Variants in ISCA1 observed in about 807,000 individuals in gnomAD.
ISCA1 encodes the protein iron-sulfur cluster assembly 1 homolog, mitochondrial.
ISCA1 carries 9 observed loss-of-function variants against 14.7 expected under a neutral mutation model. That is an observed-to-expected ratio of 0.61 (90% CI 0.37 to 1.07). ISCA1 has a LOEUF of 1.07. Ranked by LOEUF, ISCA1 falls within the 50% of genes least tolerant of loss-of-function variation. The pLI is 0.01. For synonymous variants in ISCA1, 38 were observed against 54.3 expected, an observed-to-expected ratio of 0.70 and a Z score of 1.32; for missense variants, 102 against 150.1, an observed-to-expected ratio of 0.68 and a Z score of 1.67.
In ISCA1 at chr9:86,274,681, C is replaced by CT. The variant is rs371654872; in HGVS notation, c.82-440dup. 4.8e-4 allele frequency among the ~76,000 whole-genome samples: 72 copies of CT among 149,796 alleles called. 1 individual carries two copies. The South Asian group carries it at 9.1e-3, about 19-fold the overall frequency. ...TTCCTGTTGATTATTAATCCTACTG[C>CT]TTTTTTTTTTCTTACTCACAATCCA... On this transcript the variant is annotated intron_variant, in intron 1 of 3. Transcript: ENST00000375991.
chr9:86,274,725 G>C (rs905704409), intron 1 of ISCA1, among the ~76,000 whole-genome samples: 12 of 151,688 alleles, frequency 7.9e-5, no homozygotes, highest in African/African-American at 2.7e-4. Flanking sequence ...CCATCAAAAT[G>C]CATAGCTTGA....
At chr9:86,277,306 C>T (rs1214620394) in intron 1 of ISCA1, among the ~76,000 whole-genome samples, 3 of 152,184 alleles carry the variant, frequency 2.0e-5, no homozygotes, top group African/African-American at 7.2e-5. Flanking sequence ...TAAAATATGT[C>T]TTAATTTTCC....
intron 2 of ISCA1, 107 bp downstream of exon 2, chr9:86,274,082 T>A: frequency 1.6e-6 from 1 of 642,524 alleles, no homozygotes; most frequent in Admixed American, 3.1e-5. Flanking sequence ...ATATTTTACA[T>A]TTTAAATAAA....
At chr9:86,269,013 C>T (rs909592254) in intron 3 of ISCA1, among the ~76,000 whole-genome samples, 8 of 152,056 alleles carry the variant, frequency 5.3e-5, no homozygotes, top group Non-Finnish European at 1.0e-4. Flanking sequence ...CCAGGCTGGT[C>T]GTGAACTCCT....
intron 1 of ISCA1, among the ~76,000 whole-genome samples, chr9:86,281,509 G>A (rs555274862): frequency 6.6e-6 from 1 of 152,328 alleles, no homozygotes; most frequent in South Asian, 2.1e-4. Flanking sequence ...TGGGGTGAAA[G>A]TATTTTGGAA....
intron 1 of ISCA1, chr9:86,281,916 C>G (rs1825521444): frequency 6.4e-6 from 1 of 156,900 alleles, no homozygotes; most frequent in African/African-American, 2.4e-5. Context: ...CGAACGCTGT[C>G]GCCCCGACAC....
rs1193528017 is a variant in ISCA1 at position 86,282,521 on chromosome 9, G to A, written c.-63C>T. 1 of 1,549,520 alleles carries A rather than the reference G, an allele frequency of 6.5e-7. No homozygotes were observed. On this transcript the variant is annotated 5_prime_UTR_variant, in exon 1 of 4. Coordinates refer to ENST00000375991, the MANE Select transcript of ISCA1 (RefSeq NM_030940.4). ...GTCGGCCGCCTCAGCTTCTCTCCAT[G>A]GACACGGCGGGCGCATTGACGCCAC...
chr9:86,266,119 T>C lies in ISCA1; in HGVS notation c.314A>G (p.Lys105Arg), dbSNP rs200362832. The C allele has an allele frequency of 1.5e-5, 25 of 1,613,192 alleles. No individual in the cohort carries two copies. Among genetic ancestry groups the C allele is most frequent in the Non-Finnish European group, 1.7e-5 (20 of 1,179,708 alleles). The part of the protein sequence containing the change: ...LGTEMDYVED[K>R]LSSEFVFNNP... ...ATTGAACACAAACTCACTGGATAAT[T>C]TGTCTTCAACATAGTCCATTTCTGT... is the stretch of plus-strand genomic sequence containing the variant. The change falls in exon 4 of 4, where the codon AAA (lysine) becomes AGA (arginine). Residue 105 changes from lysine (K) to arginine (R), a missense_variant. By Grantham distance (26) the Lys-to-Arg change is conservative (BLOSUM62 2). Transcript: ENST00000375991.
chr9:86,277,072 T>G (rs142191664), intron 1 of ISCA1, among the ~76,000 whole-genome samples: 113 of 152,216 alleles, frequency 7.4e-4, no homozygotes, highest in African/African-American at 2.7e-3. Flanking sequence ...TATCTCCAAG[T>G]GGTTTTCTAA....
intron 3 of ISCA1, among the ~76,000 whole-genome samples, chr9:86,268,333 A>G (rs969853682): frequency 2.0e-5 from 3 of 151,842 alleles, no homozygotes; most frequent in Non-Finnish European, 4.4e-5. Context: ...TTTAATTAAA[A>G]TGTTTATAAA....
rs1452263008 is a variant in ISCA1, at chr9:86,272,063, T to C, written c.185A>G (p.Tyr62Cys). The stretch of plus-strand genomic sequence containing the variant: ...TTTTGTCTTTGTATATTCTAGAGTA[T>C]AAGAAAGGCCATTACAGCCCCTGGT... ...VRTRGCNGLS[Y>C]TLEYTKTKGD... The change falls in exon 3 of 4, where the codon TAT becomes TGT. Residue 62 changes from tyrosine (Y) to cysteine (C), a missense_variant. Tyr to Cys is a radical substitution (Grantham distance 194). Transcript: ENST00000375991. 19 of 1,607,982 alleles carry C rather than the reference T, an allele frequency of 1.2e-5. No homozygotes were observed. The highest frequency in any genetic ancestry group is 1.5e-5 in the Non-Finnish European group (18 of 1,174,868).
In ISCA1 at chr9:86,282,026, C is replaced by T. The variant is rs1357877848; in HGVS notation, c.81+352G>A. On this transcript the variant is annotated intron_variant, in intron 1 of 3. Coordinates refer to ENST00000375991, the MANE Select transcript of ISCA1 (RefSeq NM_030940.4). ...ACCCCCGCCACCGGGCACGTTCAGC[C>T]TCTGCTTAACCGGAACGGCCGAACA... 1.2e-5 allele frequency: 3 copies of T among 248,616 alleles called. No individual in the cohort carries two copies. In the East Asian group the frequency reaches 2.5e-4, roughly 21 times the overall value. 15.4% of individuals were successfully genotyped at this position (248,616 alleles called of 1,614,324 possible).
chr9:86,267,394 T>G (rs886553063), intron 3 of ISCA1: 31 of 892,086 alleles, frequency 3.5e-5, no homozygotes, highest in Non-Finnish European at 4.0e-5. Context: ...TAAAAGGTCT[T>G]TATTGATAGT....
At chr9:86,270,458 G>C (rs1243420053) in intron 3 of ISCA1, among the ~76,000 whole-genome samples, 1 of 150,238 alleles carries the variant, frequency 6.7e-6, no homozygotes, top group East Asian at 2.0e-4. Context: ...TGCTGGAGAG[G>C]ATGTGGAGAA....
chr9:86,277,592 T>C (rs1213463896), intron 1 of ISCA1, among the ~76,000 whole-genome samples: 1 of 152,170 alleles, frequency 6.6e-6, no homozygotes, highest in African/African-American at 2.4e-5. Flanking sequence ...TAGGTAAAAT[T>C]CATGTGAGAA....
rs1825536413 is a variant in ISCA1 at position 86,282,518 on chromosome 9, C to T, written c.-60G>A. On this transcript the variant is annotated 5_prime_UTR_variant, in exon 1 of 4. It removes an upstream start codon present in the reference 5' UTR. Transcript: ENST00000375991. Reference sequence around the variant, plus strand: ...AAGGTCGGCCGCCTCAGCTTCTCTCCATGGACACGGCGGGCGCATTGACGC... The same window carrying T: ...AAGGTCGGCCGCCTCAGCTTCTCTCTATGGACACGGCGGGCGCATTGACGC... The T allele has an allele frequency of 6.5e-7, 1 of 1,549,662 alleles. No homozygotes were observed. Among genetic ancestry groups the T allele is most frequent in the Non-Finnish European group, 8.7e-7 (1 of 1,146,578 alleles).
At chr9:86,270,369 A>T (rs1349889617) in intron 3 of ISCA1, among the ~76,000 whole-genome samples, 1 of 151,726 alleles carries the variant, frequency 6.6e-6, no homozygotes, top group East Asian at 1.9e-4. Flanking sequence ...CCATCAGAGA[A>T]ATGCAAATCA....
intron 3 of ISCA1, among the ~76,000 whole-genome samples, chr9:86,269,928 T>C (rs1564008844): frequency 6.6e-6 from 1 of 152,178 alleles, no homozygotes; most frequent in African/African-American, 2.4e-5. Context: ...TTACACCTTA[T>C]ACCAAAATTA....
At chr9:86,272,235 G>T in intron 2 of ISCA1, 123 bp from the exon 3 acceptor site, 2 of 688,582 alleles carry the variant, frequency 2.9e-6, no homozygotes, top group South Asian at 1.6e-5. Context: ...TGTAGGACAG[G>T]GTCTCACTAT....
Sources: allele counts gnomAD v4.1 joint callset (sites outside exome capture counted in the v4.1 genomes callset), GRCh38; gene constraint gnomAD v4.1.1; transcripts MANE v1.5; gene names NCBI Gene and HGNC (gene_info 2026-07-23, HGNC 2026-07-21).